Variants in RPGRIP1 observed in about 807,000 individuals in gnomAD.
The protein encoded by RPGRIP1 is RPGR interacting protein 1.
In RPGRIP1, 128 loss-of-function variants were observed where a neutral mutation model predicts 157.9. The observed-to-expected ratio is 0.81, with a 90% CI of 0.70 to 0.94. RPGRIP1 has a LOEUF of 0.94. RPGRIP1 is among the 40% of genes least tolerant of loss of function. The pLI, the probability that RPGRIP1 is intolerant of heterozygous loss-of-function variation, is 0.00. For missense variants in RPGRIP1, 1,486 were observed against 1,545.8 expected, an observed-to-expected ratio of 0.96 and a Z score of 0.65; for synonymous variants, 554 against 571.6, an observed-to-expected ratio of 0.97 and a Z score of 0.44.
At chr14:21,335,700 T>A (rs149842794) in intron 21 of RPGRIP1, among the ~76,000 whole-genome samples, 6,486 of 151,798 alleles carry the variant, frequency 0.043, 458 homozygotes, top group African/African-American at 0.15. Flanking sequence ...GCGTGGTGGC[T>A]GGCACCTGTA....
intron 21 of RPGRIP1, among the ~76,000 whole-genome samples, chr14:21,336,626 A>G (rs1318183476): frequency 6.6e-6 from 1 of 152,172 alleles, no homozygotes; most frequent in Non-Finnish European, 1.5e-5. Context: ...TAGTTATCTG[A>G]CAAGTGTTTG....
intron 3 of RPGRIP1, among the ~76,000 whole-genome samples, 181 bp from the exon 4 acceptor site, chr14:21,300,785 G>T (rs1359286633): frequency 1.4e-5 from 2 of 146,202 alleles, no homozygotes; most frequent in Non-Finnish European, 3.0e-5. Flanking sequence ...TATCACAATG[G>T]CCCTGCCCTC....
rs756920414 is a variant in RPGRIP1 at position 21,311,849 on chromosome 14, A to C, written c.956A>C (p.His319Pro). 18 of 1,609,872 alleles carry C rather than the reference A, an allele frequency of 1.1e-5. No homozygotes were observed. The highest frequency in any genetic ancestry group is 1.4e-5 in the Non-Finnish European group (17 of 1,178,394). ...QKNQGILSAA[H>P]EALLKQVNEL... ...AATCAGGGAATCCTGAGTGCAGCCC[A>C]TGAGGCCCTCCTCAAGCAAGTGAAT... Residue 319 changes from histidine to proline, a missense_variant, in exon 9 of 25, where the codon CAT becomes CCT. His to Pro is a moderately conservative substitution (Grantham distance 77, BLOSUM62 -2). Transcript: ENST00000400017.
chr14:21,324,116 G>A (rs1566686144), intron 14 of RPGRIP1: 2 of 177,536 alleles, frequency 1.1e-5, no homozygotes, highest in East Asian at 3.0e-4. Flanking sequence ...ATTCTGAACA[G>A]AATGAAAGAT....
chr14:21,318,691 T>C (rs775109084), intron 11 of RPGRIP1, among the ~76,000 whole-genome samples: 14 of 151,880 alleles, frequency 9.2e-5, no homozygotes, highest in Non-Finnish European at 1.9e-4. Context: ...TTGGCCAGGC[T>C]GGTCTGAAAC....
intron 24 of RPGRIP1, among the ~76,000 whole-genome samples, chr14:21,350,391 A>ACAAAT (rs59849893): frequency 7.0e-6 from 1 of 142,790 alleles, no homozygotes; most frequent in Non-Finnish European, 1.5e-5. Flanking sequence ...AAAAAAAAAA[A>ACAAAT]AAAAAGAAAA....
chr14:21,299,207 A>T (rs1880922990), intron 3 of RPGRIP1, among the ~76,000 whole-genome samples: 1 of 152,006 alleles, frequency 6.6e-6, no homozygotes, highest in South Asian at 2.1e-4. Context: ...TCTCCATGTT[A>T]GTCAGGCTGG....
At chr14:21,312,540 A>G in intron 10 of RPGRIP1, 34 bp downstream of exon 10, 1 of 1,368,944 alleles carries the variant, frequency 7.3e-7, no homozygotes, top group South Asian at 1.2e-5. Flanking sequence ...GAGCAGTGTT[A>G]CTATGAAAGA....
At chr14:21,309,598 G>C (rs1881462826) in intron 7 of RPGRIP1, among the ~76,000 whole-genome samples, 1 of 152,186 alleles carries the variant, frequency 6.6e-6, no homozygotes, top group South Asian at 2.1e-4. Context: ...TAATAAGTGT[G>C]TAAGAGAAGA....
At chr14:21,324,526 C>T (rs1566686456) in intron 14 of RPGRIP1, 92 bp from the exon 15 acceptor site, 1 of 1,048,264 alleles carries the variant, frequency 9.5e-7, no homozygotes, top group East Asian at 2.4e-5. Context: ...GGACTTCCAC[C>T]ATGTGTTTTA....
At chr14:21,291,191 T>C (rs578220954) in intron 2 of RPGRIP1, among the ~76,000 whole-genome samples, 8 of 152,274 alleles carry the variant, frequency 5.3e-5, no homozygotes, top group Non-Finnish European at 1.2e-4. Context: ...TAAATTGGAT[T>C]ATTTGTCTTT....
At chr14:21,349,114 A>G (rs1156752612) in intron 24 of RPGRIP1, among the ~76,000 whole-genome samples, 1 of 120,898 alleles carries the variant, frequency 8.3e-6, no homozygotes, top group Non-Finnish European at 1.6e-5. Context: ...TCTGTTGCCC[A>G]GGCTGGAGTG....
intron 1 of RPGRIP1, among the ~76,000 whole-genome samples, chr14:21,282,760 C>T (rs1880178188): frequency 1.3e-5 from 2 of 152,002 alleles, no homozygotes; most frequent in Admixed American, 1.3e-4. Flanking sequence ...CAGGCGCGTG[C>T]CACCACACCC....
chr14:21,339,404 C>T (rs966143759), intron 21 of RPGRIP1, among the ~76,000 whole-genome samples: 4 of 152,070 alleles, frequency 2.6e-5, no homozygotes, highest in African/African-American at 9.7e-5. Flanking sequence ...CGAGATGGTT[C>T]CCCTGCACTC....
Position 21,300,996 on chromosome 14 carries a change from T to G in RPGRIP1, c.249T>G (p.Ala83=), listed in dbSNP as rs780708253. 1.2e-6 allele frequency: 2 copies of G among 1,612,964 alleles called. No individual in the cohort carries two copies. The highest frequency in any genetic ancestry group is 2.2e-5 in the South Asian group (2 of 91,072). Residue 83 remains alanine (A), a synonymous_variant, in exon 4 of 25, where the codon GCT becomes GCG. Transcript: ENST00000400017. ...GGACCACCTTGCTGCGGTTGACCGC[T>G]GCTGGCCGGGACCTGCGGGTCGCGG... The part of the protein sequence containing the change: ...RLRTTLLRLT[A]AGRDLRVAEE...
chr14:21,314,851 G>A (rs1881704183), intron 10 of RPGRIP1, among the ~76,000 whole-genome samples: 1 of 151,818 alleles, frequency 6.6e-6, no homozygotes, highest in African/African-American at 2.4e-5. Flanking sequence ...GCAAAACACT[G>A]TCTCTACTAA....
intron 6 of RPGRIP1, 144 bp downstream of exon 6, chr14:21,303,687 G>C (rs1881138688): frequency 3.0e-6 from 2 of 665,384 alleles, no homozygotes; most frequent in Non-Finnish European, 2.5e-6. Context: ...TCCCTCGTAG[G>C]TTAAGAAATG....
chr14:21,300,884 A>G, intron 3 of RPGRIP1, 82 bp from the exon 4 acceptor site: 4 of 1,478,272 alleles, frequency 2.7e-6, no homozygotes, highest in South Asian at 1.2e-5. Context: ...TTATAGATCA[A>G]TTCGTGATTA....
At chr14:21,293,400 C>T (rs536336363) in intron 2 of RPGRIP1, among the ~76,000 whole-genome samples, 99 of 152,208 alleles carry the variant, frequency 6.5e-4, no homozygotes, top group South Asian at 4.1e-4. Context: ...TGAAGACAGT[C>T]ATGGGAACAA....
Sources: allele counts gnomAD v4.1 joint callset (sites outside exome capture counted in the v4.1 genomes callset), GRCh38; gene constraint gnomAD v4.1.1; transcripts MANE v1.5; gene names NCBI Gene and HGNC (gene_info 2026-07-23, HGNC 2026-07-21).